Variants in TESMIN observed in about 807,000 individuals in gnomAD.
The protein encoded by TESMIN is CXC domain containing 2.
A neutral mutation model predicts 47.4 loss-of-function variants in TESMIN; 34 were observed. The observed-to-expected ratio is 0.72, with a 90% CI of 0.55 to 0.96. The LOEUF (loss-of-function observed/expected upper bound fraction) is 0.96. Among genes scored for constraint, TESMIN ranks in the 40% least tolerant of loss-of-function variants. TESMIN has a pLI of 0.00. For synonymous variants in TESMIN, 278 were observed against 258.9 expected (o/e 1.07, Z -0.71); for missense variants, 610 against 637.2 (o/e 0.96, Z 0.46).
chr11:68,747,334 TGTA>T lies in TESMIN; in HGVS notation c.501_503del (p.Thr168del), dbSNP rs753957294. 1 of 1,614,030 alleles carries T rather than the reference TGTA, an allele frequency of 6.2e-7. No individual in the cohort carries two copies. Among genetic ancestry groups the T allele is most frequent in the Non-Finnish European group, 8.5e-7 (1 of 1,179,828 alleles). Reference sequence around the variant, plus strand: ...AAGTTGCTTCTTCCGGATTATTACTTGTAGTAGTACCACCTGCTTCCTTGATTT... The same window carrying T: ...AAGTTGCTTCTTCCGGATTATTACTTGTAGTACCACCTGCTTCCTTGATTT... On this transcript the variant is annotated inframe_deletion, in exon 3 of 10. Transcript: ENST00000255087.
At position 68,750,640 on chromosome 11, in the gene TESMIN, C is replaced by G; in HGVS notation, c.21G>C (p.Pro7=). The part of the protein sequence containing the change: MEEGPL[P]GGLPSPEDAM... ...CATCCTCGGGGCTGGGCAGCCCGCC[C>G]GGCAGAGGGCCCTCCTCCATGGCGC... Residue 7 remains proline (P), a synonymous_variant, in exon 2 of 10, where the codon CCG becomes CCC. Coordinates refer to ENST00000255087, the MANE Select transcript of TESMIN (RefSeq NM_004923.3). 2 of 1,562,696 alleles carry G rather than the reference C, an allele frequency of 1.3e-6. No homozygotes were observed. Among genetic ancestry groups the G allele is most frequent in the Admixed American group, 3.6e-5 (2 of 55,784 alleles).
At position 68,742,398 on chromosome 11, in the gene TESMIN, TA is replaced by T; in HGVS notation, c.752-5del. On this transcript the variant is annotated splice_region_variant and splice_polypyrimidine_tract_variant and intron_variant, in intron 4 of 9. Transcript: ENST00000255087. Reference sequence around the variant, plus strand: ...GCAGTCATTGGTTTAGGGACATCTGTAAGGAAGATAATTAAAAATTAATTGT... The same window carrying T: ...GCAGTCATTGGTTTAGGGACATCTGTAGGAAGATAATTAAAAATTAATTGT... The T allele has an allele frequency of 6.4e-7, 1 of 1,556,516 alleles. No individual in the cohort carries two copies. The highest frequency in any genetic ancestry group is 8.8e-7 in the Non-Finnish European group (1 of 1,142,742).
intron 7 of TESMIN, among the ~76,000 whole-genome samples, chr11:68,714,721 T>C (rs1364043052): frequency 6.6e-6 from 1 of 152,244 alleles, no homozygotes; most frequent in African/African-American, 2.4e-5. Flanking sequence ...GCTGTGAACA[T>C]TCCCGTACAA....
At chr11:68,708,554 C>A in intron 9 of TESMIN, 54 bp from the exon 10 acceptor site, 5 of 1,423,520 alleles carry the variant, frequency 3.5e-6, no homozygotes, top group Non-Finnish European at 4.7e-6. Flanking sequence ...TTTCTACCTA[C>A]AGTACTATTT....
rs1187070605 is a variant in TESMIN at position 68,750,631 on chromosome 11, C to T, written c.30G>A (p.Leu10=). 6.3e-7 allele frequency: 1 copy of T among 1,575,198 alleles called. No individual in the cohort carries two copies. Among genetic ancestry groups the T allele is most frequent in the South Asian group, 1.2e-5 (1 of 86,930 alleles). MEEGPLPGG[L]PSPEDAMVTE... ...TCACCATCGCATCCTCGGGGCTGGGCAGCCCGCCCGGCAGAGGGCCCTCCT... is the reference window on the plus strand; with the variant it reads ...TCACCATCGCATCCTCGGGGCTGGGTAGCCCGCCCGGCAGAGGGCCCTCCT... The change falls in exon 2 of 10, where the codon CTG becomes CTA. Residue 10 remains leucine, a synonymous_variant. Coordinates refer to ENST00000255087, the MANE Select transcript of TESMIN (RefSeq NM_004923.3).
downstream of TESMIN, among the ~76,000 whole-genome samples, chr11:68,706,410 G>A (rs929595020): frequency 2.6e-5 from 4 of 152,326 alleles, no homozygotes; most frequent in Admixed American, 1.3e-4. Flanking sequence ...GTGCAAAGTG[G>A]GGGGCCTGTA....
At chr11:68,722,842 TG>T (rs1160489919) in intron 6 of TESMIN, among the ~76,000 whole-genome samples, 38 of 152,278 alleles carry the variant, frequency 2.5e-4, no homozygotes, top group African/African-American at 8.4e-4. Context: ...TAACAACTGA[TG>T]GAATAATTCA....
At chr11:68,714,187 GGAATCGGTGCTGTCCA>G (rs1283165029) in intron 7 of TESMIN, among the ~76,000 whole-genome samples, 2 of 152,250 alleles carry the variant, frequency 1.3e-5, no homozygotes, top group Non-Finnish European at 2.9e-5. Context: ...GTTGACATTT[GGAATCGGTGCTGTCCA>G]GCAGCACGGC....
Position 68,728,301 on chromosome 11 carries a change from G to A in TESMIN, c.917+10399C>T, listed in dbSNP as rs138370459. Among the ~76,000 whole-genome samples the A allele has an allele frequency of 1.6e-3, 238 of 152,314 alleles. 1 individual carries two copies. Among genetic ancestry groups the A allele is most frequent in the African/African-American group, 5.6e-3 (233 of 41,572 alleles). On this transcript the variant is annotated intron_variant, in intron 6 of 9. Transcript: ENST00000255087. ...CTGCTGACATGAAGCAAGCCTGAGAGGTCTGGAGAGAAGATGAAACCGGAC... is the reference window on the plus strand; with the variant it reads ...CTGCTGACATGAAGCAAGCCTGAGAAGTCTGGAGAGAAGATGAAACCGGAC...
chr11:68,708,489 G>A lies in TESMIN; in HGVS notation c.1346C>T (p.Ser449Leu). ...PRFSHDRRPS[S>L]CISWEVVEAT... ...CTCCACCACCTCCCAGGAGATGCAT[G>A]AGGAAGGCCGCCTGTCAGAAACAGA... The change falls in exon 10 of 10, where the codon TCA becomes TTA. Residue 449 changes from serine to leucine, a missense_variant. Physicochemically the swap from Ser to Leu is moderately radical, Grantham distance 145. Transcript: ENST00000255087. 6.2e-7 allele frequency: 1 copy of A among 1,607,764 alleles called. No homozygotes were observed. Among genetic ancestry groups the A allele is most frequent in the South Asian group, 1.1e-5 (1 of 90,040 alleles).
chr11:68,725,214 T>G (rs1229645551), intron 6 of TESMIN, among the ~76,000 whole-genome samples: 3 of 152,196 alleles, frequency 2.0e-5, no homozygotes, highest in African/African-American at 7.2e-5. Context: ...TCGTGGACTA[T>G]ATCTGTGTTT....
intron 6 of TESMIN, among the ~76,000 whole-genome samples, chr11:68,720,154 C>T (rs1946188385): frequency 6.6e-6 from 1 of 152,162 alleles, no homozygotes; most frequent in African/African-American, 2.4e-5. Context: ...ATTGCATACC[C>T]AGTAAAAGTA....
At chr11:68,742,467 C>T in intron 4 of TESMIN, 73 bp from the exon 5 acceptor site, 6 of 960,056 alleles carry the variant, frequency 6.2e-6, no homozygotes, top group Non-Finnish European at 7.9e-6. Flanking sequence ...GATGAAAGTA[C>T]AAAAGTCTGT....
chr11:68,745,121 A>G lies in TESMIN; in HGVS notation c.631-10T>C. ...TCAATTGGCATATCACCTAAAATGA[A>G]AAAGAACAATCAGGTTTCATTTTTG... On this transcript the variant is annotated splice_polypyrimidine_tract_variant and intron_variant, in intron 3 of 9. Transcript: ENST00000255087. 6.3e-7 allele frequency: 1 copy of G among 1,576,046 alleles called. No individual in the cohort carries two copies. The highest frequency in any genetic ancestry group is 8.5e-7 in the Non-Finnish European group (1 of 1,170,562).
chr11:68,708,528 G>A (rs776728991), intron 9 of TESMIN, 28 bp from the exon 10 acceptor site: 83 of 1,561,954 alleles, frequency 5.3e-5, no homozygotes, highest in South Asian at 3.8e-4. Flanking sequence ...GTTAAAGGCC[G>A]CTCAACAGTG....
At chr11:68,740,926 A>G (rs187473412) in intron 5 of TESMIN, among the ~76,000 whole-genome samples, 29 of 152,200 alleles carry the variant, frequency 1.9e-4, no homozygotes, top group Admixed American at 7.2e-4. Context: ...AACTTGTACC[A>G]TCTCATCTTT....
chr11:68,725,609 G>C (rs1287877655), intron 6 of TESMIN, among the ~76,000 whole-genome samples: 1 of 149,850 alleles, frequency 6.7e-6, no homozygotes, highest in Non-Finnish European at 1.5e-5. Flanking sequence ...TTTAGTCTTG[G>C]TGGTTGAAAA....
chr11:68,708,024 G>T lies in TESMIN; in HGVS notation c.*284C>A, dbSNP rs1003715536. ...CGCAGGGCCTGCTGTGCCCTCCCCT[G>T]CCCTGCTCTGCCCTCCGCCGCCCTG... On this transcript the variant is annotated 3_prime_UTR_variant, in exon 10 of 10. Coordinates refer to ENST00000255087, the MANE Select transcript of TESMIN (RefSeq NM_004923.3). 3 of 454,086 alleles carry T rather than the reference G, an allele frequency of 6.6e-6. No individual in the cohort carries two copies. The highest frequency in any genetic ancestry group is 2.0e-5 in the African/African-American group (1 of 50,428). 28.1% of individuals were successfully genotyped at this position (454,086 alleles called of 1,614,324 possible).
At chr11:68,714,235 A>G (rs955237577) in intron 7 of TESMIN, among the ~76,000 whole-genome samples, 3 of 152,210 alleles carry the variant, frequency 2.0e-5, no homozygotes. Context: ...GGCCATCGCT[A>G]CAGAATGTGC....
Sources: gnomAD v4.1 joint callset for allele counts (sites outside exome capture counted in the v4.1 genomes callset) on GRCh38, gnomAD v4.1.1 for gene constraint, MANE v1.5 for transcripts, NCBI Gene and HGNC (gene_info 2026-07-23, HGNC 2026-07-21) for gene names.